The following SLC35D1 variants were observed in gnomAD, a reference collection of about 807,000 sequenced individuals.
The protein encoded by SLC35D1 is nucleotide sugar transporter SLC35D1.
In SLC35D1, 31 loss-of-function variants were observed where a neutral mutation model predicts 46.7. The observed-to-expected ratio is 0.66, with a 90% CI of 0.50 to 0.90. SLC35D1 has a LOEUF of 0.90. SLC35D1 is among the 40% of genes least tolerant of loss of function. The probability of loss-of-function intolerance (pLI) is 0.00; values close to 1 mark genes in which losing one functional copy is unlikely to be tolerated. For synonymous variants in SLC35D1, 195 were observed against 164.6 expected (o/e 1.18, Z -1.41); for missense variants, 397 against 426.2 (o/e 0.93, Z 0.60).
At chr1:66,988,572 T>TAA in the SLC35D1 span, 1 of 152,268 alleles carries the variant, frequency 6.6e-6, no homozygotes, top group African/African-American at 2.4e-5. Flanking sequence ...TTAGTTAGTA[T>TAA]AAAGAATTAT....
chr1:67,044,216 A>T (rs964276887), intron 7 of SLC35D1, among the ~76,000 whole-genome samples: 12 of 151,994 alleles, frequency 7.9e-5, no homozygotes, highest in Admixed American at 6.6e-4. Context: ...CACACCTGTA[A>T]TCCCAGCTAT....
chr1:67,028,711 T>C (rs1410990475), intron 8 of SLC35D1, among the ~76,000 whole-genome samples: 4 of 152,198 alleles, frequency 2.6e-5, no homozygotes, highest in African/African-American at 9.6e-5. Context: ...CATAGACTTC[T>C]TGATATTGCC....
intron 7 of SLC35D1, 115 bp downstream of exon 7, chr1:67,047,150 G>T: frequency 1.3e-6 from 1 of 763,104 alleles, no homozygotes. Context: ...CCCTCAGAGA[G>T]CCACTATGTC....
downstream of SLC35D1, among the ~76,000 whole-genome samples, chr1:66,995,058 C>T (rs1187805539): frequency 6.6e-6 from 1 of 152,072 alleles, no homozygotes; most frequent in Non-Finnish European, 1.5e-5. Context: ...AGGACCTCAT[C>T]ATTCTCACTA....
Position 67,053,961 on chromosome 1 carries a change from G to A in SLC35D1, c.53C>T (p.Ala18Val). The A allele has an allele frequency of 6.2e-7, 1 of 1,613,584 alleles. No individual in the cohort carries two copies. The highest frequency in any genetic ancestry group is 8.5e-7 in the Non-Finnish European group (1 of 1,179,632). The change falls in exon 1 of 12, where the codon GCG becomes GTG. Residue 18 changes from alanine to valine, a missense_variant. Ala to Val is a moderately conservative substitution (Grantham distance 64, BLOSUM62 0). Transcript: ENST00000235345. ...QHARVKGEAP[A>V]KSSTLRDEEE... The stretch of plus-strand genomic sequence containing the variant: ...CTCATCTCGGAGTGTGGAGGATTTC[G>A]CGGGGGCTTCTCCTTTAACCCGAGC...
chr1:67,022,666 TGACA>T (rs762088229), intron 8 of SLC35D1, among the ~76,000 whole-genome samples: 63 of 152,332 alleles, frequency 4.1e-4, no homozygotes, highest in Middle Eastern at 6.8e-3. Context: ...TAACAGTGCT[TGACA>T]GACAGTTTGT....
intron 10 of SLC35D1, among the ~76,000 whole-genome samples, chr1:67,014,844 C>T (rs1292824114): frequency 6.6e-6 from 1 of 151,038 alleles, no homozygotes; most frequent in East Asian, 1.9e-4. Flanking sequence ...AATGTCTAGA[C>T]AAAAAAGGTC....
chr1:67,009,518 GA>G (rs1371807836), intron 10 of SLC35D1, among the ~76,000 whole-genome samples: 1 of 152,092 alleles, frequency 6.6e-6, no homozygotes, highest in Non-Finnish European at 1.5e-5. Flanking sequence ...TAGAAAATGG[GA>G]AAAGGACATG....
At chr1:67,037,005 A>C (rs1376965459) in intron 8 of SLC35D1, among the ~76,000 whole-genome samples, 2 of 152,086 alleles carry the variant, frequency 1.3e-5, no homozygotes, top group African/African-American at 4.8e-5. Flanking sequence ...CTAATAACCC[A>C]GTATTTTAAG....
rs747719749 is a variant in SLC35D1, at chr1:67,000,477, G to T, written c.*3863C>A. On this transcript the variant is annotated 3_prime_UTR_variant, in exon 12 of 12. Transcript: ENST00000235345. ...TTTAAAAAAGAAAAGACAGTGAACA[G>T]AAACTGCTACCTAAGGATTCTAGAG... The T allele has an allele frequency of 6.6e-5, 10 of 152,372 alleles. No individual in the cohort carries two copies. The highest frequency in any genetic ancestry group is 3.4e-3 in the Middle Eastern group (1 of 294). 9.4% of individuals were successfully genotyped at this position (152,372 alleles called of 1,614,324 possible).
At chr1:67,020,670 T>A (rs565764487) in intron 9 of SLC35D1, among the ~76,000 whole-genome samples, 1 of 152,260 alleles carries the variant, frequency 6.6e-6, no homozygotes, top group African/African-American at 2.4e-5. Flanking sequence ...GCTGCCCTCA[T>A]CAAAACCCTG....
chr1:67,013,452 G>A (rs1390852707), intron 10 of SLC35D1, among the ~76,000 whole-genome samples: 1 of 151,944 alleles, frequency 6.6e-6, no homozygotes, highest in Non-Finnish European at 1.5e-5. Flanking sequence ...TTACTCAGGA[G>A]GCTAAGATGG....
At chr1:66,985,574 C>T in the SLC35D1 span, 1 of 985,080 alleles carries the variant, frequency 1.0e-6, no homozygotes, top group African/African-American at 1.7e-5. Flanking sequence ...TCTTTGTAGC[C>T]TTTGAAAGAT....
chr1:67,026,745 T>C (rs1215583055), intron 8 of SLC35D1, among the ~76,000 whole-genome samples: 1 of 152,202 alleles, frequency 6.6e-6, no homozygotes, highest in Non-Finnish European at 1.5e-5. Flanking sequence ...AAGGAATACC[T>C]GAGACTGGGT....
chr1:67,051,145 T>C (rs1302910513), intron 4 of SLC35D1, among the ~76,000 whole-genome samples: 3 of 152,124 alleles, frequency 2.0e-5, no homozygotes, highest in Non-Finnish European at 4.4e-5. Flanking sequence ...GGTAATGAAA[T>C]GGAAAAAAAT....
chr1:67,028,483 T>C (rs1464846610), intron 8 of SLC35D1, among the ~76,000 whole-genome samples: 4 of 152,230 alleles, frequency 2.6e-5, no homozygotes, highest in Admixed American at 6.5e-5. Context: ...CTTTCTGTTC[T>C]ATCAGTTTTT....
intron 8 of SLC35D1, 114 bp downstream of exon 8, chr1:67,042,122 T>G: frequency 9.9e-7 from 1 of 1,006,890 alleles, no homozygotes; most frequent in Non-Finnish European, 1.6e-6. Flanking sequence ...AAATGCTCAG[T>G]TTTTGGTCAC....
At chr1:67,043,195 C>CAAA (rs55933027) in intron 7 of SLC35D1, among the ~76,000 whole-genome samples, 1 of 142,414 alleles carries the variant, frequency 7.0e-6, no homozygotes, top group South Asian at 2.2e-4. Context: ...CACTCCATCT[C>CAAA]AAAAAAAAAA....
At chr1:66,997,246 T>A (rs1305089179), downstream of SLC35D1, among the ~76,000 whole-genome samples, 1 of 152,014 alleles carries the variant, frequency 6.6e-6, no homozygotes, top group Non-Finnish European at 1.5e-5. Flanking sequence ...CACAGCACCT[T>A]ACACCTGGAA....
Sources: gnomAD v4.1 joint callset for allele counts (sites outside exome capture counted in the v4.1 genomes callset) on GRCh38, gnomAD v4.1.1 for gene constraint, MANE v1.5 for transcripts, NCBI Gene and HGNC (gene_info 2026-07-23, HGNC 2026-07-21) for gene names.